FOCAD: variants seen among roughly 807,000 people sequenced by gnomAD.
The protein encoded by FOCAD is KIAA1797.
FOCAD carries 198 observed loss-of-function variants against 225.6 expected under a neutral mutation model. The observed-to-expected ratio is 0.88, with a 90% CI of 0.78 to 0.99. The LOEUF (loss-of-function observed/expected upper bound fraction) is 0.99. FOCAD is among the 50% of genes least tolerant of loss of function. The pLI is 0.00. For missense variants in FOCAD, 2,713 were observed against 2,123.6 expected (o/e 1.28, Z -5.46); for synonymous variants, 897 against 755.0 (o/e 1.19, Z -3.08).
At chr9:20,866,193 T>G (rs1829212170) in intron 17 of FOCAD, among the ~76,000 whole-genome samples, 1 of 152,054 alleles carries the variant, frequency 6.6e-6, no homozygotes, top group South Asian at 2.1e-4. Flanking sequence ...ACTTAATACT[T>G]GGTGAATCTG....
intron 22 of FOCAD, 98 bp from the exon 23 acceptor site, chr9:20,912,768 G>T: frequency 1.1e-6 from 1 of 934,976 alleles, no homozygotes; most frequent in African/African-American, 1.6e-5. Context: ...GAACACTTAA[G>T]GCCAAATGGA....
chr9:20,750,248 A>G (rs1587009332), intron 5 of FOCAD, among the ~76,000 whole-genome samples: 1 of 152,276 alleles, frequency 6.6e-6, no homozygotes, highest in East Asian at 1.9e-4. Context: ...GTATGTGATA[A>G]TTACGTTTAT....
At chr9:20,958,252 A>G (rs991461391) in intron 35 of FOCAD, among the ~76,000 whole-genome samples, 2 of 152,336 alleles carry the variant, frequency 1.3e-5, no homozygotes, top group Admixed American at 1.3e-4. Context: ...AGCCCAAAAA[A>G]CAAATGATAA....
intron 8 of FOCAD, among the ~76,000 whole-genome samples, chr9:20,778,253 C>CT (rs1170399376): frequency 9.9e-5 from 15 of 151,304 alleles, no homozygotes; most frequent in South Asian, 4.2e-4. Context: ...CTAATTCTTT[C>CT]TTTTTTTTTG....
At chr9:20,741,103 C>T (rs556776914) in intron 5 of FOCAD, among the ~76,000 whole-genome samples, 10 of 152,238 alleles carry the variant, frequency 6.6e-5, no homozygotes, top group South Asian at 4.2e-4. Context: ...AGCATGGAAC[C>T]ATAAAGAAGG....
At position 20,740,205 on chromosome 9, in the gene FOCAD, A is replaced by G. The variant is rs927781298; in HGVS notation, c.288-31A>G. On this transcript the variant is annotated intron_variant, in intron 4 of 43. Transcript: ENST00000338382. Reference sequence around the variant, plus strand: ...TGATTAGAATATTCACTTTTTATCTATAACATTTAACATGCTATATTTCTT... The same window carrying G: ...TGATTAGAATATTCACTTTTTATCTGTAACATTTAACATGCTATATTTCTT... The G allele has an allele frequency of 8.2e-6, 11 of 1,344,316 alleles. No homozygotes were observed. In the African/African-American group the frequency reaches 1.0e-4, roughly 12 times the overall value. 83.3% of individuals were successfully genotyped at this position (1,344,316 alleles called of 1,614,324 possible).
intron 2 of FOCAD, among the ~76,000 whole-genome samples, chr9:20,662,905 A>G (rs1821777091): frequency 6.6e-6 from 1 of 152,262 alleles, no homozygotes; most frequent in South Asian, 2.1e-4. Context: ...ACTTAAAGGA[A>G]TAATTCAAAT....
At chr9:20,734,950 C>A (rs1248448176) in intron 4 of FOCAD, among the ~76,000 whole-genome samples, 1 of 152,044 alleles carries the variant, frequency 6.6e-6, no homozygotes, top group Non-Finnish European at 1.5e-5. Flanking sequence ...AAGGGTATGT[C>A]TATAGGATGG....
At chr9:20,891,405 T>G (rs1187787764) in intron 21 of FOCAD, among the ~76,000 whole-genome samples, 1 of 152,218 alleles carries the variant, frequency 6.6e-6, no homozygotes, top group Non-Finnish European at 1.5e-5. Context: ...AAAGCTAGGC[T>G]TCTTGCACCA....
intron 35 of FOCAD, chr9:20,957,640 A>G (rs1010904918): frequency 7.3e-6 from 1 of 136,506 alleles, no homozygotes; most frequent in Non-Finnish European, 1.6e-5. Context: ...AAGCCCAAAG[A>G]TAGATAGATA....
chr9:20,725,204 G>C (rs1826092838), intron 4 of FOCAD, among the ~76,000 whole-genome samples: 1 of 152,160 alleles, frequency 6.6e-6, no homozygotes, highest in Non-Finnish European at 1.5e-5. Flanking sequence ...TCAGTAAAAT[G>C]CAGGGAATGA....
intron 43 of FOCAD, among the ~76,000 whole-genome samples, chr9:20,994,779 C>G (rs1841935631): frequency 6.6e-6 from 1 of 152,162 alleles, no homozygotes; most frequent in African/African-American, 2.4e-5. Flanking sequence ...AAGATATACC[C>G]TCTTAGGTTA....
At chr9:20,936,808 T>G (rs1477307885) in intron 28 of FOCAD, among the ~76,000 whole-genome samples, 1 of 152,244 alleles carries the variant, frequency 6.6e-6, no homozygotes, top group African/African-American at 2.4e-5. Flanking sequence ...GTAGATGGCA[T>G]GATTGTATAT....
At chr9:20,896,274 G>C (rs940368721) in intron 21 of FOCAD, among the ~76,000 whole-genome samples, 10 of 151,714 alleles carry the variant, frequency 6.6e-5, no homozygotes, top group African/African-American at 1.9e-4. Context: ...ATTTTGTTGA[G>C]GCCTTTTACA....
At position 20,974,780 on chromosome 9, in the gene FOCAD, A is replaced by C. The variant is rs540537709; in HGVS notation, c.4133-1640A>C. On this transcript the variant is annotated intron_variant, in intron 35 of 43. Transcript: ENST00000338382. ...TTGCTTCCCCATTTTAGCATCTGCT[A>C]ATTTGGCCTCTGCTTCTCCTTTTTC... 8.3e-5 allele frequency among the ~76,000 whole-genome samples: 12 copies of C among 144,922 alleles called. No homozygotes were observed. The East Asian group carries it at 1.0e-3, about 12-fold the overall frequency.
chr9:20,899,059 G>T (rs560231676), intron 21 of FOCAD, among the ~76,000 whole-genome samples: 1 of 151,798 alleles, frequency 6.6e-6, no homozygotes, highest in African/African-American at 2.4e-5. Flanking sequence ...CTTGGAGATG[G>T]GTATTGCTTT....
intron 3 of FOCAD, among the ~76,000 whole-genome samples, chr9:20,719,640 G>T (rs562168294): frequency 6.6e-6 from 1 of 152,018 alleles, no homozygotes; most frequent in East Asian, 1.9e-4. Context: ...TAGAACCCCT[G>T]CTTTGATAGG....
rs755680035 is a variant in FOCAD, at chr9:20,765,006, A to C, written c.632A>C (p.Lys211Thr). The change falls in exon 7 of 44, where the codon AAA (lysine) becomes ACA (threonine). Residue 211 changes from lysine (K) to threonine (T), a missense_variant. Physicochemically the swap from Lys to Thr is moderately conservative, Grantham distance 78 (BLOSUM62 -1). Coordinates refer to ENST00000338382, the MANE Select transcript of FOCAD (RefSeq NM_001375567.1). The part of the protein sequence containing the change: ...VLLQPQVLCD[K>T]DQPSILEQQI... ...CTTCAACCCCAGGTTCTTTGTGACAAAGATCAACCATCAATACTGGAACAG... is the reference window on the plus strand; with the variant it reads ...CTTCAACCCCAGGTTCTTTGTGACACAGATCAACCATCAATACTGGAACAG... 6.2e-7 allele frequency: 1 copy of C among 1,614,134 alleles called. No homozygotes were observed. The highest frequency in any genetic ancestry group is 8.5e-7 in the Non-Finnish European group (1 of 1,180,010).
Position 20,820,775 on chromosome 9 carries a change from A to G in FOCAD, c.1663-166A>G, listed in dbSNP as rs139719247. Reference sequence around the variant, plus strand: ...TCAACAGTACATTGGTGTATAAGAAAATCCCCAGTAATCACTATAGCAATC... The same window carrying G: ...TCAACAGTACATTGGTGTATAAGAAGATCCCCAGTAATCACTATAGCAATC... On this transcript the variant is annotated intron_variant, in intron 13 of 43. Transcript: ENST00000338382. Among the ~76,000 whole-genome samples the G allele has an allele frequency of 6.3e-4, 96 of 152,254 alleles. No individual in the cohort carries two copies. The highest frequency in any genetic ancestry group is 3.4e-3 in the Middle Eastern group (1 of 294).
Sources: gnomAD v4.1 joint callset for allele counts (sites outside exome capture counted in the v4.1 genomes callset) on GRCh38, gnomAD v4.1.1 for gene constraint, MANE v1.5 for transcripts, NCBI Gene and HGNC (gene_info 2026-07-23, HGNC 2026-07-21) for gene names.